KIF20B: variants seen among roughly 807,000 people sequenced by gnomAD.
KIF20B encodes the protein kinesin family member 20B, also known as kinesin-like protein KIF20B.
A neutral mutation model predicts 232.5 loss-of-function variants in KIF20B; 188 were observed. That is an observed-to-expected ratio of 0.81 (90% confidence interval 0.72 to 0.91). The LOEUF (loss-of-function observed/expected upper bound fraction) is 0.91, where lower values mean the gene tolerates loss of function less well. Ranked by LOEUF, KIF20B falls within the 40% of genes least tolerant of loss-of-function variation. The probability of loss-of-function intolerance (pLI) is 0.00; values close to 1 mark genes in which losing one functional copy is unlikely to be tolerated. For synonymous variants in KIF20B, 712 were observed against 683.0 expected (o/e 1.04, Z -0.66); for missense variants, 2,154 against 2,055.9 (o/e 1.05, Z -0.92).
At chr10:89,722,825 A>G (rs1197615421) in intron 13 of KIF20B, among the ~76,000 whole-genome samples, 9 of 152,146 alleles carry the variant, frequency 5.9e-5, no homozygotes, top group Admixed American at 1.3e-4. Context: ...AGTGAAAAAG[A>G]AAATCTAAAT....
rs1589867733 is a variant in KIF20B at position 89,738,339 on chromosome 10, T to G, written c.3498T>G (p.Leu1166=). ...GCTATAAGGCAAAAATAAAGGAACT[T>G]GAAACAATTTTAGAGACTCAGAAAG... ...VTCYKAKIKE[L]ETILETQKVE... is the part of the protein sequence containing the mutation. The change falls in exon 20 of 33, where the codon CTT becomes CTG. Residue 1166 remains leucine, a synonymous_variant. Transcript: ENST00000371728. 6.2e-7 allele frequency: 1 copy of G among 1,610,916 alleles called. No individual in the cohort carries two copies. Among genetic ancestry groups the G allele is most frequent in the Non-Finnish European group, 8.5e-7 (1 of 1,179,016 alleles).
chr10:89,747,652 C>T (rs1460241080), intron 23 of KIF20B, among the ~76,000 whole-genome samples: 1 of 151,682 alleles, frequency 6.6e-6, no homozygotes, highest in African/African-American at 2.4e-5. Flanking sequence ...AACCAAACAC[C>T]ACATGTTCTC....
chr10:89,750,479 A>G (rs145912082), intron 23 of KIF20B, among the ~76,000 whole-genome samples: 394 of 152,216 alleles, frequency 2.6e-3, no homozygotes, highest in Middle Eastern at 3.4e-3. Flanking sequence ...CTTACTGTTT[A>G]GTTTGTTTTA....
At chr10:89,709,842 T>G in intron 4 of KIF20B, 85 bp from the exon 5 acceptor site, 1 of 1,076,642 alleles carries the variant, frequency 9.3e-7, no homozygotes, top group Non-Finnish European at 1.3e-6. Context: ...TCTTTTAAAT[T>G]TTTAAACAGT....
chr10:89,734,286 C>T (rs1188692011), intron 19 of KIF20B, among the ~76,000 whole-genome samples: 1 of 152,110 alleles, frequency 6.6e-6, no homozygotes, highest in African/African-American at 2.4e-5. Context: ...TGGTGCATGC[C>T]TGTAATCCCA....
intron 9 of KIF20B, among the ~76,000 whole-genome samples, chr10:89,716,983 C>T (rs1348859998): frequency 6.6e-6 from 1 of 152,136 alleles, no homozygotes; most frequent in Non-Finnish European, 1.5e-5. Flanking sequence ...ATAATTAAAG[C>T]AGGCTTTTTC....
At chr10:89,739,240 C>A in intron 21 of KIF20B, 144 bp downstream of exon 21, 2 of 840,770 alleles carry the variant, frequency 2.4e-6, no homozygotes, top group Non-Finnish European at 3.5e-6. Flanking sequence ...AGTTACTTCA[C>A]GAGAGAAAAT....
intron 29 of KIF20B, chr10:89,766,523 G>A (rs531404428): frequency 1.1e-4 from 17 of 152,254 alleles, no homozygotes; most frequent in African/African-American, 2.4e-5. Context: ...CAAGAACTAC[G>A]TGAAGAATGC....
intron 29 of KIF20B, among the ~76,000 whole-genome samples, chr10:89,765,351 A>T (rs992455444): frequency 1.3e-5 from 2 of 152,254 alleles, no homozygotes; most frequent in South Asian, 2.1e-4. Flanking sequence ...CCTCTTCAAG[A>T]AGAACTACAA....
At chr10:89,722,267 G>A (rs974683879) in intron 13 of KIF20B, among the ~76,000 whole-genome samples, 4 of 152,060 alleles carry the variant, frequency 2.6e-5, no homozygotes, top group African/African-American at 9.7e-5. Context: ...AAATACCTTG[G>A]TATTAGCATA....
intron 27 of KIF20B, 72 bp from the exon 28 acceptor site, chr10:89,760,454 C>CT (rs1842214612): frequency 1.1e-6 from 1 of 901,278 alleles, no homozygotes; most frequent in Non-Finnish European, 1.8e-6. Context: ...ATTTTATATT[C>CT]TTTATGTGAA....
At chr10:89,768,459 C>A (rs1842406660) in intron 30 of KIF20B, 68 bp downstream of exon 30, 2 of 960,246 alleles carry the variant, frequency 2.1e-6, no homozygotes, top group Non-Finnish European at 3.2e-6. Flanking sequence ...AATTATAACT[C>A]ATTTATCTTC....
chr10:89,705,117 T>C (rs1842694350), intron 1 of KIF20B, among the ~76,000 whole-genome samples, 177 bp from the exon 2 acceptor site: 1 of 152,212 alleles, frequency 6.6e-6, no homozygotes, highest in African/African-American at 2.4e-5. Context: ...TCTGTAAATA[T>C]AATTTGATCT....
chr10:89,752,337 T>C (rs1050179288), intron 24 of KIF20B, among the ~76,000 whole-genome samples: 7 of 152,092 alleles, frequency 4.6e-5, no homozygotes, highest in African/African-American at 1.7e-4. Flanking sequence ...TATTATACTA[T>C]ACTGTGAATA....
intron 6 of KIF20B, among the ~76,000 whole-genome samples, chr10:89,713,822 C>G (rs1463621263): frequency 6.6e-6 from 1 of 152,020 alleles, no homozygotes; most frequent in Non-Finnish European, 1.5e-5. Context: ...TAATAGTAAC[C>G]AACCAGAGTG....
At chr10:89,765,574 C>G (rs1361373392) in intron 29 of KIF20B, among the ~76,000 whole-genome samples, 2 of 152,178 alleles carry the variant, frequency 1.3e-5, no homozygotes, top group East Asian at 3.9e-4. Context: ...GCCCGCATCG[C>G]CAAGTCAATC....
At chr10:89,720,664 A>C (rs1843035877) in intron 13 of KIF20B, among the ~76,000 whole-genome samples, 2 of 152,158 alleles carry the variant, frequency 1.3e-5, no homozygotes, top group African/African-American at 4.8e-5. Flanking sequence ...ATAAGATTTA[A>C]CGGTTGTTTT....
chr10:89,771,792 C>T (rs1411926430), intron 31 of KIF20B, among the ~76,000 whole-genome samples: 2 of 152,084 alleles, frequency 1.3e-5, no homozygotes, highest in Non-Finnish European at 2.9e-5. Context: ...GGTAAAATGA[C>T]CACCACTTCT....
intron 26 of KIF20B, among the ~76,000 whole-genome samples, chr10:89,756,507 A>G (rs1436067461): frequency 6.6e-6 from 1 of 152,202 alleles, no homozygotes; most frequent in Non-Finnish European, 1.5e-5. Flanking sequence ...TGTGTCTGCC[A>G]TACTTAAGAA....
Sources: gnomAD v4.1 joint callset for allele counts (sites outside exome capture counted in the v4.1 genomes callset) on GRCh38, gnomAD v4.1.1 for gene constraint, MANE v1.5 for transcripts, NCBI Gene and HGNC (gene_info 2026-07-23, HGNC 2026-07-21) for gene names.